Variants in MARK3 observed in about 807,000 individuals in gnomAD.
The protein encoded by MARK3 is microtubule affinity regulating kinase 3.
A neutral mutation model predicts 90.1 loss-of-function variants in MARK3; 46 were observed. The ratio of observed to expected loss-of-function variants is 0.51; its 90% CI spans 0.40 to 0.65. MARK3 has a LOEUF of 0.65. Among genes scored for constraint, MARK3 ranks in the 30% least tolerant of loss-of-function variants. The probability of loss-of-function intolerance (pLI) is 0.00; values close to 1 mark genes in which losing one functional copy is unlikely to be tolerated. For synonymous variants in MARK3, 321 were observed against 332.6 expected, an observed-to-expected ratio of 0.97 and a Z score of 0.38; for missense variants, 818 against 947.2, an observed-to-expected ratio of 0.86 and a Z score of 1.79.
At chr14:103,461,976 C>T (rs1171586416) in intron 6 of MARK3, among the ~76,000 whole-genome samples, 2 of 149,916 alleles carry the variant, frequency 1.3e-5, no homozygotes, top group East Asian at 3.9e-4. Context: ...GGGGAGGTTG[C>T]AGTGAGCCAA....
intron 1 of MARK3, among the ~76,000 whole-genome samples, chr14:103,391,610 C>G (rs986568503): frequency 1.3e-5 from 2 of 148,520 alleles, no homozygotes; most frequent in African/African-American, 5.0e-5. Flanking sequence ...GTGGTGCAAT[C>G]TCGGCTCACT....
rs527386287 is a variant in MARK3 at position 103,494,827 on chromosome 14, C to T, written c.1844+2793C>T. 2.0e-5 allele frequency among the ~76,000 whole-genome samples: 3 copies of T among 151,836 alleles called. No individual in the cohort carries two copies. In the East Asian group the frequency reaches 5.8e-4, roughly 29 times the overall value. On this transcript the variant is annotated intron_variant, in intron 15 of 17. Coordinates refer to ENST00000429436, the MANE Select transcript of MARK3 (RefSeq NM_001128918.3). ...AATTTTTGTATTTTTAGTAGAGACC[C>T]GGTTTTATCATGTTGGCCAGGCTGG...
chr14:103,400,167 G>A (rs1050634151), intron 1 of MARK3, among the ~76,000 whole-genome samples: 2 of 152,118 alleles, frequency 1.3e-5, no homozygotes, highest in Non-Finnish European at 2.9e-5. Flanking sequence ...GACCTCAGGT[G>A]ATCTGCTAGC....
At chr14:103,466,301 T>C in intron 9 of MARK3, 42 bp from the exon 10 acceptor site, 1 of 1,426,290 alleles carries the variant, frequency 7.0e-7, no homozygotes, top group Non-Finnish European at 9.8e-7. Context: ...GTTATCAGAA[T>C]ATTTCATTTT....
At chr14:103,428,545 T>A in intron 3 of MARK3, 105 bp downstream of exon 3, 1 of 655,648 alleles carries the variant, frequency 1.5e-6, no homozygotes, top group Non-Finnish European at 2.6e-6. Flanking sequence ...TTTAATGCCA[T>A]AAAGCTTCCT....
At chr14:103,467,935 C>T (rs1000632939) in intron 11 of MARK3, 98 bp from the exon 12 acceptor site, 19 of 1,161,172 alleles carry the variant, frequency 1.6e-5, no homozygotes, top group Middle Eastern at 2.4e-4. Flanking sequence ...TCTGAATGAA[C>T]GGTTTATGAG....
intron 1 of MARK3, among the ~76,000 whole-genome samples, chr14:103,391,530 A>C (rs1451422067): frequency 6.7e-6 from 1 of 149,474 alleles, no homozygotes; most frequent in African/African-American, 2.4e-5. Flanking sequence ...GTTGGCTGAT[A>C]TGTCAAATAT....
At chr14:103,390,398 G>A (rs529952315) in intron 1 of MARK3, among the ~76,000 whole-genome samples, 4 of 152,272 alleles carry the variant, frequency 2.6e-5, no homozygotes, top group East Asian at 3.9e-4. Context: ...CCTCTACTGG[G>A]CCCCAGATCT....
intron 3 of MARK3, among the ~76,000 whole-genome samples, chr14:103,440,440 C>T (rs2092821465): frequency 6.6e-6 from 1 of 152,140 alleles, no homozygotes; most frequent in African/African-American, 2.4e-5. Context: ...TGTAAGAGAG[C>T]ACAAGTAATG....
At chr14:103,484,154 G>T (rs1189957647) in intron 14 of MARK3, among the ~76,000 whole-genome samples, 1 of 147,416 alleles carries the variant, frequency 6.8e-6, no homozygotes. Flanking sequence ...AATGCAAACA[G>T]AATCTTTTCT....
At chr14:103,394,610 A>G (rs2090465337) in intron 1 of MARK3, among the ~76,000 whole-genome samples, 1 of 152,160 alleles carries the variant, frequency 6.6e-6, no homozygotes, top group Non-Finnish European at 1.5e-5. Flanking sequence ...AGCTCAAACA[A>G]AGCAGGTGTT....
intron 2 of MARK3, among the ~76,000 whole-genome samples, chr14:103,417,903 C>T (rs35512556): frequency 0.54 from 82,631 of 151,828 alleles, 26,337 homozygotes; most frequent in Middle Eastern, 0.73. Flanking sequence ...CCTGCCTCTA[C>T]TAAAAATCCA....
At chr14:103,429,572 A>C (rs8015723) in intron 3 of MARK3, among the ~76,000 whole-genome samples, 1 of 151,922 alleles carries the variant, frequency 6.6e-6, no homozygotes, top group Non-Finnish European at 1.5e-5. Flanking sequence ...CTTTCTCTGC[A>C]CTAAAAATGT....
intron 4 of MARK3, among the ~76,000 whole-genome samples, chr14:103,450,507 A>G (rs1283338650): frequency 1.3e-5 from 2 of 152,214 alleles, no homozygotes; most frequent in Non-Finnish European, 1.5e-5. Context: ...TTCCTATTGC[A>G]TTAACATAGT....
intron 6 of MARK3, among the ~76,000 whole-genome samples, chr14:103,462,201 C>T (rs117827102): frequency 9.1e-4 from 138 of 152,236 alleles, no homozygotes; most frequent in Non-Finnish European, 1.7e-3. Flanking sequence ...AACGGAAGAA[C>T]GTCCTCACCT....
At chr14:103,438,568 G>C (rs1431343013) in intron 3 of MARK3, among the ~76,000 whole-genome samples, 4 of 152,124 alleles carry the variant, frequency 2.6e-5, no homozygotes, top group Admixed American at 1.3e-4. Flanking sequence ...AATTTTGTTA[G>C]TACCAAATTC....
At chr14:103,402,486 A>G (rs1002535322) in intron 1 of MARK3, among the ~76,000 whole-genome samples, 2 of 151,540 alleles carry the variant, frequency 1.3e-5, no homozygotes, top group Admixed American at 1.3e-4. Flanking sequence ...TGGGAGGCGG[A>G]GGTTGCAGTG....
chr14:103,474,276 C>T (rs183333430), intron 12 of MARK3, among the ~76,000 whole-genome samples: 7 of 152,288 alleles, frequency 4.6e-5, no homozygotes, highest in Non-Finnish European at 1.0e-4. Flanking sequence ...GAGGCATATA[C>T]TAGTTATCAT....
In MARK3 at chr14:103,465,725, T is replaced by G; in HGVS notation, c.709T>G (p.Trp237Gly). ...ATATGACGGGCCAGAAGTGGATGTG[T>G]GGAGTCTGGGGGTCATTTTATACAC... is the stretch of plus-strand genomic sequence containing the variant. ...KKYDGPEVDV[W>G]SLGVILYTLV... Residue 237 changes from tryptophan to glycine, a missense_variant, in exon 8 of 18, where the codon TGG (tryptophan) becomes GGG (glycine). Transcript: ENST00000429436. 6.2e-7 allele frequency: 1 copy of G among 1,614,088 alleles called. No individual in the cohort carries two copies. The highest frequency in any genetic ancestry group is 8.5e-7 in the Non-Finnish European group (1 of 1,180,036).
Sources: allele counts gnomAD v4.1 joint callset (sites outside exome capture counted in the v4.1 genomes callset), GRCh38; gene constraint gnomAD v4.1.1; transcripts MANE v1.5; gene names NCBI Gene and HGNC (gene_info 2026-07-23, HGNC 2026-07-21).